The following NTMT1 variants were observed in gnomAD, a reference collection of about 807,000 sequenced individuals.
NTMT1 encodes the protein N-terminal Xaa-Pro-Lys N-methyltransferase 1.
A neutral mutation model predicts 17.5 loss-of-function variants in NTMT1; 8 were observed. That is an observed-to-expected ratio of 0.46 (90% CI 0.27 to 0.82). The LOEUF (loss-of-function observed/expected upper bound fraction) is 0.82, where lower values mean the gene tolerates loss of function less well. Ranked by LOEUF, NTMT1 falls within the 40% of genes least tolerant of loss-of-function variation. NTMT1 has a pLI of 0.15. For synonymous variants in NTMT1, 128 were observed against 126.8 expected (o/e 1.01, Z -0.06); for missense variants, 221 against 303.5 (o/e 0.73, Z 2.02).
intron 1 of NTMT1, among the ~76,000 whole-genome samples, chr9:129,610,106 C>T (rs1387297646): frequency 1.3e-5 from 2 of 148,174 alleles, no homozygotes; most frequent in Non-Finnish European, 3.0e-5. Flanking sequence ...CATCTGTGGT[C>T]TGCGGGGAGG....
In NTMT1 at chr9:129,634,275, T is replaced by C. The variant is rs747932617; in HGVS notation, c.384T>C (p.Ser128=). 13 of 1,611,228 alleles carry C rather than the reference T, an allele frequency of 8.1e-6. No individual in the cohort carries two copies. In the Admixed American group the frequency reaches 1.3e-4, roughly 17 times the overall value. ...GLQDFTPEPD[S]YDVIWIQWVI... is the part of the protein sequence containing the mutation. ...AGGACTTCACCCCGGAGCCGGACTC[T>C]TACGACGTGATCTGGATCCAGTGGG... Residue 128 remains serine (S), a synonymous_variant, in exon 3 of 4, where the codon TCT becomes TCC. Coordinates refer to ENST00000372483, the MANE Select transcript of NTMT1 (RefSeq NM_014064.4).
rs959788221 is a variant in NTMT1, at chr9:129,613,377, G to T, written c.-55+4199G>T. ...GCTGGGTGGGGAGGTCTGTAGGCAA[G>T]GGGGGTGGAGGGCCCTGGCAATGTC... is the stretch of plus-strand genomic sequence containing the variant. On this transcript the variant is annotated intron_variant, in intron 1 of 3. Coordinates refer to the NTMT1 transcript ENST00000372486. The surrounding 1 kb of genome is among the most constrained non-coding windows in gnomAD (Gnocchi z 6.2). 4.4e-6 allele frequency: 7 copies of T among 1,594,304 alleles called. No homozygotes were observed. The highest frequency in any genetic ancestry group is 1.7e-4 in the Middle Eastern group (1 of 5,910).
chr9:129,633,081 T>C (rs1204606449), intron 2 of NTMT1: 5 of 541,226 alleles, frequency 9.2e-6, no homozygotes, highest in Non-Finnish European at 1.6e-5. Context: ...AGGAGCTGGC[T>C]GTTAGGCAGA....
chr9:129,613,387 G>A lies in NTMT1; in HGVS notation c.-55+4209G>A, dbSNP rs539917130. Reference sequence around the variant, plus strand: ...GAGGTCTGTAGGCAAGGGGGGTGGAGGGCCCTGGCAATGTCCACGAGTCCC... The same window carrying A: ...GAGGTCTGTAGGCAAGGGGGGTGGAAGGCCCTGGCAATGTCCACGAGTCCC... On this transcript the variant is annotated intron_variant, in intron 1 of 3. Coordinates refer to the NTMT1 transcript ENST00000372486. This position sits in a 1 kb window ranked among gnomAD's most constrained non-coding sequence, Gnocchi z 6.2. 41 of 1,599,714 alleles carry A rather than the reference G, an allele frequency of 2.6e-5. 1 individual carries two copies. The South Asian group carries it at 3.8e-4, about 15-fold the overall frequency.
In NTMT1 at chr9:129,635,193, C is replaced by A; in HGVS notation, c.416-15C>A. On this transcript the variant is annotated splice_polypyrimidine_tract_variant and intron_variant, in intron 3 of 3. Transcript: ENST00000372483. ...TTGCATGGTGCCCTGGTAACCTTGC[C>A]TCTGCCCTCCCCAGGCCACCTCACC... 1 of 1,600,450 alleles carries A rather than the reference C, an allele frequency of 6.2e-7. No homozygotes were observed. Among genetic ancestry groups the A allele is most frequent in the South Asian group, 1.1e-5 (1 of 90,720 alleles).
chr9:129,612,772 G>A (rs1412534934), intron 1 of NTMT1, among the ~76,000 whole-genome samples: 2 of 152,156 alleles, frequency 1.3e-5, no homozygotes, highest in African/African-American at 4.8e-5. Flanking sequence ...AGAGGTTGCA[G>A]TGAGCCAAGA....
At chr9:129,631,756 A>G (rs2118954852) in intron 1 of NTMT1, among the ~76,000 whole-genome samples, 1 of 152,206 alleles carries the variant, frequency 6.6e-6, no homozygotes, top group East Asian at 1.9e-4. Context: ...ATTCTTGCCC[A>G]TCCATCGGTT....
rs529840022 is a variant in NTMT1 at position 129,610,652 on chromosome 9, G to T, written c.-55+1474G>T. On this transcript the variant is annotated intron_variant, in intron 1 of 3. Coordinates refer to the NTMT1 transcript ENST00000372486. ...GGGGAAAAGTTTCCGACCCTGGAGCGAGAGGCTGAGAAGTTTCGGCCGCGC... is the reference window on the plus strand; with the variant it reads ...GGGGAAAAGTTTCCGACCCTGGAGCTAGAGGCTGAGAAGTTTCGGCCGCGC... Among the ~76,000 whole-genome samples, 8 of 152,086 alleles carry T rather than the reference G, an allele frequency of 5.3e-5. No individual in the cohort carries two copies. In the South Asian group the frequency reaches 8.3e-4, roughly 16 times the overall value.
At chr9:129,627,389 G>A (rs1350948948) in intron 1 of NTMT1, among the ~76,000 whole-genome samples, 1 of 152,228 alleles carries the variant, frequency 6.6e-6, no homozygotes, top group Non-Finnish European at 1.5e-5. Flanking sequence ...TTCTAAGGCA[G>A]TTTTCCCATT....
chr9:129,632,443 A>C (rs1259169748), intron 1 of NTMT1, among the ~76,000 whole-genome samples: 2 of 152,220 alleles, frequency 1.3e-5, no homozygotes, highest in Non-Finnish European at 2.9e-5. Context: ...AAGAACTTGA[A>C]GCCAGGACTT....
chr9:129,629,217 G>A (rs1420153274), intron 1 of NTMT1, among the ~76,000 whole-genome samples: 1 of 152,130 alleles, frequency 6.6e-6, no homozygotes, highest in Non-Finnish European at 1.5e-5. Context: ...TCCGGTACCT[G>A]CTGGCAGAGG....
chr9:129,624,579 T>C (rs1338395130), upstream of NTMT1, among the ~76,000 whole-genome samples: 2 of 152,228 alleles, frequency 1.3e-5, no homozygotes, highest in Non-Finnish European at 2.9e-5. Context: ...AAACACACTT[T>C]AAGCACCTTC....
intron 1 of NTMT1, among the ~76,000 whole-genome samples, chr9:129,610,401 G>C (rs1830087504): frequency 6.6e-6 from 1 of 151,212 alleles, no homozygotes; most frequent in Non-Finnish European, 1.5e-5. Context: ...CGCGGACTCC[G>C]GCTTCAGTGC....
chr9:129,621,577 G>T (rs1042860757), upstream of NTMT1, among the ~76,000 whole-genome samples: 1 of 152,080 alleles, frequency 6.6e-6, no homozygotes, highest in African/African-American at 2.4e-5. Flanking sequence ...TATGTTGCAC[G>T]GGCTGGTCTT....
chr9:129,609,226 G>A (rs68145693), intron 1 of NTMT1: 27,990 of 152,290 alleles, frequency 0.18, 3,253 homozygotes, highest in African/African-American at 0.33. Context: ...ATCAGCAAAC[G>A]GGCTAAGGAG....
At chr9:129,629,779 G>A (rs1172855189) in intron 1 of NTMT1, among the ~76,000 whole-genome samples, 1 of 152,196 alleles carries the variant, frequency 6.6e-6, no homozygotes, top group African/African-American at 2.4e-5. Context: ...GTAAAGTGAG[G>A]GGTCAGTCTG....
chr9:129,610,306 C>A (rs1288150329), intron 1 of NTMT1, among the ~76,000 whole-genome samples: 1 of 149,046 alleles, frequency 6.7e-6, no homozygotes, highest in African/African-American at 2.5e-5. Context: ...CCCCGCCCCC[C>A]CCCCACCGGC....
chr9:129,619,681 C>T, intron 1 of NTMT1: 1 of 1,611,216 alleles, frequency 6.2e-7, no homozygotes, highest in Non-Finnish European at 8.5e-7. Flanking sequence ...GCCAGGCTGT[C>T]CCGCCCTGGA....
chr9:129,623,255 C>T (rs1451414000), upstream of NTMT1, among the ~76,000 whole-genome samples: 6 of 151,586 alleles, frequency 4.0e-5, no homozygotes, highest in South Asian at 2.1e-4. Flanking sequence ...ATGGCGTGAA[C>T]CCAGGAGGCG....
Sources: gnomAD v4.1 joint callset for allele counts (sites outside exome capture counted in the v4.1 genomes callset) on GRCh38, gnomAD v4.1.1 for gene constraint, Gnocchi (gnomAD v3.1) non-coding constraint, MANE v1.5 for transcripts, NCBI Gene and HGNC (gene_info 2026-07-23, HGNC 2026-07-21) for gene names.